The following TXNL4A variants were observed in gnomAD, a reference collection of about 807,000 sequenced individuals.
TXNL4A encodes the protein thioredoxin-like protein 4A.
TXNL4A carries 17 observed loss-of-function variants against 14.6 expected under a neutral mutation model. The ratio of observed to expected loss-of-function variants is 1.16; its 90% CI spans 0.80 to 1.74. The LOEUF (loss-of-function observed/expected upper bound fraction) is 1.74. Ranked by LOEUF, TXNL4A falls within the 40% of genes most tolerant of loss-of-function variation. The pLI, the probability that TXNL4A is intolerant of heterozygous loss-of-function variation, is 0.00. For synonymous variants in TXNL4A, 83 were observed against 70.6 expected (o/e 1.18, Z -0.88); for missense variants, 74 against 195.2 (o/e 0.38, Z 3.70).
intron 1 of TXNL4A, among the ~76,000 whole-genome samples, chr18:80,010,458 T>C (rs569610115): frequency 3.1e-4 from 47 of 152,050 alleles, no homozygotes; most frequent in Non-Finnish European, 5.7e-4. Flanking sequence ...GGAGCTGAAG[T>C]GACAGCTTGG....
chr18:79,988,645 G>A (rs1599732879), upstream of TXNL4A: 1 of 325,838 alleles, frequency 3.1e-6, no homozygotes, highest in African/African-American at 2.2e-5. Flanking sequence ...TGTGCGTATA[G>A]GCGCCGCGCG....
intron 1 of TXNL4A, among the ~76,000 whole-genome samples, chr18:80,024,553 C>A (rs182506956): frequency 1.3e-5 from 2 of 152,166 alleles, no homozygotes; most frequent in South Asian, 4.1e-4. Flanking sequence ...TAGCTCATGA[C>A]TGTGGAATCT....
chr18:79,977,058 A>T (rs2145057148), intron 2 of TXNL4A, among the ~76,000 whole-genome samples: 1 of 151,992 alleles, frequency 6.6e-6, no homozygotes, highest in South Asian at 2.1e-4. Flanking sequence ...CCTCCTGGGT[A>T]CAAGTGATTC....
intron 1 of TXNL4A, among the ~76,000 whole-genome samples, chr18:80,029,130 C>G (rs189670352): frequency 2.2e-4 from 33 of 152,334 alleles, no homozygotes; most frequent in African/African-American, 7.7e-4. Context: ...AACTGAAATA[C>G]AGTGTGGACC....
chr18:79,997,699 A>T (rs1323792222), intron 1 of TXNL4A, among the ~76,000 whole-genome samples: 1 of 152,114 alleles, frequency 6.6e-6, no homozygotes, highest in East Asian at 1.9e-4. Flanking sequence ...GATTTAGAGG[A>T]TTTAATTTTT....
chr18:80,013,062 T>A (rs2051781626), intron 1 of TXNL4A, among the ~76,000 whole-genome samples: 1 of 151,080 alleles, frequency 6.6e-6, no homozygotes, highest in African/African-American at 2.4e-5. Context: ...GACACAAGGG[T>A]TTGAAGAAAG....
rs1010986069 is a variant in TXNL4A, at chr18:79,982,802, C to G, written c.154-5101G>C. On this transcript the variant is annotated intron_variant, in intron 1 of 2. Coordinates refer to ENST00000269601, the MANE Select transcript of TXNL4A (RefSeq NM_006701.5). The surrounding 1 kb of genome is among the most constrained non-coding windows in gnomAD (Gnocchi z 4.0). ...CAGGCAGAGGGGAGCTCCCCAGCCTCCCACCACCCCATTTTCTTGGTGAAA... is the reference window on the plus strand; with the variant it reads ...CAGGCAGAGGGGAGCTCCCCAGCCTGCCACCACCCCATTTTCTTGGTGAAA... 6.6e-6 allele frequency among the ~76,000 whole-genome samples: 1 copy of G among 151,992 alleles called. No individual in the cohort carries two copies. Among genetic ancestry groups the G allele is most frequent in the African/African-American group, 2.4e-5 (1 of 41,384 alleles).
upstream of TXNL4A, among the ~76,000 whole-genome samples, chr18:79,991,379 T>C (rs2051627701): frequency 6.6e-6 from 1 of 152,016 alleles, no homozygotes; most frequent in Non-Finnish European, 1.5e-5. Flanking sequence ...AAACACAAAA[T>C]ATGGAGTCGT....
chr18:79,998,581 T>C (rs560744787), intron 1 of TXNL4A, among the ~76,000 whole-genome samples: 3 of 149,428 alleles, frequency 2.0e-5, no homozygotes, highest in Non-Finnish European at 3.0e-5. Flanking sequence ...AGCCAACACC[T>C]GGACCCGGTG....
At chr18:79,979,966 C>CA (rs572307716) in intron 1 of TXNL4A, among the ~76,000 whole-genome samples, 418 of 152,310 alleles carry the variant, frequency 2.7e-3, no homozygotes, top group African/African-American at 9.6e-3. Context: ...CCTAAACCCC[C>CA]AAAGTGACAG....
intron 1 of TXNL4A, chr18:79,979,243 G>C (rs2051427180): frequency 6.6e-6 from 1 of 152,206 alleles, no homozygotes; most frequent in Admixed American, 6.5e-5. Flanking sequence ...GGCCAATTAA[G>C]AGCATTCTTT....
intron 1 of TXNL4A, among the ~76,000 whole-genome samples, chr18:80,014,761 G>C (rs2051795544): frequency 6.6e-6 from 1 of 152,202 alleles, no homozygotes; most frequent in African/African-American, 2.4e-5. Flanking sequence ...GACTCTGTGT[G>C]GGGGCTCCAA....
chr18:80,000,982 C>T (rs935545697), intron 1 of TXNL4A, among the ~76,000 whole-genome samples: 1 of 152,204 alleles, frequency 6.6e-6, no homozygotes, highest in Non-Finnish European at 1.5e-5. Context: ...GAAAATGTCT[C>T]CAGGGCATGT....
At chr18:80,014,332 TCAAAA>T (rs2051792197) in intron 1 of TXNL4A, among the ~76,000 whole-genome samples, 1 of 151,942 alleles carries the variant, frequency 6.6e-6, no homozygotes, top group African/African-American at 2.4e-5. Flanking sequence ...GCCTGTAAAA[TCAAAA>T]CAAGCTAGTT....
rs780667220 is a variant in TXNL4A, at chr18:79,977,593, C to T, written c.257+5G>A. The T allele has an allele frequency of 6.3e-6, 10 of 1,589,760 alleles. No individual in the cohort carries two copies. Among genetic ancestry groups the T allele is most frequent in the South Asian group, 2.3e-5 (2 of 87,654 alleles). ...AATTTCAGTAACAACTTTAAGATAA[C>T]GTACCTGAAGAAAAACATGACAGTA... is the stretch of plus-strand genomic sequence containing the variant. On this transcript the variant is annotated splice_donor_5th_base_variant and intron_variant, in intron 2 of 2. Coordinates refer to ENST00000269601, the MANE Select transcript of TXNL4A (RefSeq NM_006701.5).
intron 1 of TXNL4A, among the ~76,000 whole-genome samples, chr18:79,997,991 T>C (rs1192982773): frequency 1.3e-5 from 2 of 152,276 alleles, no homozygotes; most frequent in East Asian, 1.9e-4. Flanking sequence ...TGGCTGGCTA[T>C]TGTAGAAACT....
intron 1 of TXNL4A, among the ~76,000 whole-genome samples, chr18:80,005,126 C>G (rs977957765): frequency 1.3e-5 from 2 of 152,226 alleles, no homozygotes; most frequent in Admixed American, 6.5e-5. Context: ...ATGGTTAACA[C>G]GAGAGTCTCG....
At chr18:80,018,673 A>C (rs2051828508) in intron 1 of TXNL4A, among the ~76,000 whole-genome samples, 1 of 152,210 alleles carries the variant, frequency 6.6e-6, no homozygotes, top group South Asian at 2.1e-4. Flanking sequence ...ATCCCACAGA[A>C]ATACAAACTA....
intron 1 of TXNL4A, 80 bp downstream of exon 1, chr18:79,988,160 C>A (rs2051583663): frequency 1.5e-6 from 2 of 1,331,056 alleles, no homozygotes; most frequent in Non-Finnish European, 2.0e-6. Flanking sequence ...AGCTCGCGCC[C>A]CCAGGCGACG....
Sources: gnomAD v4.1 joint callset for allele counts (sites outside exome capture counted in the v4.1 genomes callset) on GRCh38, gnomAD v4.1.1 for gene constraint, Gnocchi (gnomAD v3.1) non-coding constraint, MANE v1.5 for transcripts, NCBI Gene and HGNC (gene_info 2026-07-23, HGNC 2026-07-21) for gene names.